Variants in CFAP92 observed in about 807,000 individuals in gnomAD.
CFAP92 encodes uncharacterized protein CFAP92.
A neutral mutation model predicts 106.3 loss-of-function variants in CFAP92; 86 were observed. The observed-to-expected ratio is 0.81, with a 90% confidence interval of 0.68 to 0.97. CFAP92 has a LOEUF of 0.97. CFAP92 is among the 50% of genes least tolerant of loss of function. The probability of loss-of-function intolerance (pLI) is 0.00; values close to 1 mark genes in which losing one functional copy is unlikely to be tolerated. For synonymous variants in CFAP92, 477 were observed against 506.4 expected, an observed-to-expected ratio of 0.94 and a Z score of 0.78; for missense variants, 1,204 against 1,283.8, an observed-to-expected ratio of 0.94 and a Z score of 0.95.
At chr3:128,961,907 C>T (rs1024747804) in intron 9 of CFAP92, among the ~76,000 whole-genome samples, 3 of 152,222 alleles carry the variant, frequency 2.0e-5, no homozygotes, top group Non-Finnish European at 4.4e-5. Context: ...ATCTCCAGCA[C>T]ACAAGAACTT....
At chr3:129,012,183 C>T in the CFAP92 span, among the ~76,000 whole-genome samples, 2 of 152,232 alleles carry the variant, frequency 1.3e-5, no homozygotes, top group African/African-American at 4.8e-5. Flanking sequence ...TAGGAAGCTT[C>T]AGCTCAACTT....
intron 4 of CFAP92, among the ~76,000 whole-genome samples, chr3:128,982,976 A>G (rs899714470): frequency 1.3e-5 from 2 of 152,254 alleles, no homozygotes; most frequent in African/African-American, 4.8e-5. Context: ...GAAAAATCCG[A>G]GAATTATCAA....
intron 8 of CFAP92, 68 bp downstream of exon 8, chr3:128,971,219 A>G (rs954011099): frequency 1.2e-6 from 2 of 1,609,702 alleles, no homozygotes; most frequent in Non-Finnish European, 1.7e-6. Flanking sequence ...CATTAGGAGC[A>G]TCCGCTTATG....
chr3:128,992,585 T>G (rs71331686), intron 2 of CFAP92, among the ~76,000 whole-genome samples: 2 of 151,626 alleles, frequency 1.3e-5, no homozygotes, highest in African/African-American at 4.8e-5. Flanking sequence ...TATTATTTTT[T>G]TTTTTTTTGA....
At chr3:128,965,156 G>GCCTTCTTC (rs1942276563) in intron 9 of CFAP92, among the ~76,000 whole-genome samples, 1 of 152,108 alleles carries the variant, frequency 6.6e-6, no homozygotes, top group Non-Finnish European at 1.5e-5. Context: ...CCTTAAGAAG[G>GCCTTCTTC]TTCTTTGTAA....
At chr3:129,018,803 C>T in the CFAP92 span, among the ~76,000 whole-genome samples, 4 of 152,176 alleles carry the variant, frequency 2.6e-5, no homozygotes, top group African/African-American at 7.2e-5. Context: ...GTGAGTCTTT[C>T]GGGTCTGTTT....
At chr3:128,914,359 G>A (rs1425837601) in intron 15 of CFAP92, among the ~76,000 whole-genome samples, 1 of 152,156 alleles carries the variant, frequency 6.6e-6, no homozygotes, top group Non-Finnish European at 1.5e-5. Context: ...GGGGAGGGAG[G>A]GAGCCAAGTC....
intron 8 of CFAP92, chr3:128,968,105 C>A (rs955266020): frequency 6.6e-6 from 1 of 152,204 alleles, no homozygotes; most frequent in African/African-American, 2.4e-5. Context: ...TCATCCTTAA[C>A]CTTGTGTGGT....
rs775822111 is a variant in CFAP92 at position 128,993,059 on chromosome 3, G to C, written c.246C>G (p.Ala82=). 1.2e-6 allele frequency: 2 copies of C among 1,614,076 alleles called. No individual in the cohort carries two copies. Among genetic ancestry groups the C allele is most frequent in the African/African-American group, 1.3e-5 (1 of 75,072 alleles). The part of the protein sequence containing the change: ...VVPCKFTISL[A]FPVNMGQKGK... ...AGCACCTACCCATATTCACAGGGAA[G>C]GCCAGTGAGATGGTGAATTTGCAGG... Residue 82 remains alanine (A), a synonymous_variant, in exon 2 of 16, where the codon GCC becomes GCG. Transcript: ENST00000645291.
chr3:128,993,437 C>T (rs1576658602), intron 1 of CFAP92, 101 bp from the exon 2 acceptor site: 3 of 1,233,646 alleles, frequency 2.4e-6, no homozygotes, highest in East Asian at 5.1e-5. Flanking sequence ...CTCTTCCCTG[C>T]TTCCCCCGCC....
chr3:128,916,022 C>G (rs967623424), intron 13 of CFAP92, 85 bp downstream of exon 13: 36 of 977,286 alleles, frequency 3.7e-5, no homozygotes, highest in Non-Finnish European at 4.4e-5. Context: ...TAGTTGAGAT[C>G]CCCCACTGAC....
intron 10 of CFAP92, among the ~76,000 whole-genome samples, chr3:128,940,325 T>C (rs1220484060): frequency 1.3e-5 from 2 of 152,230 alleles, no homozygotes; most frequent in Non-Finnish European, 2.9e-5. Flanking sequence ...ATACATGTTT[T>C]CATTTTCTTG....
chr3:129,026,544 T>C, the CFAP92 span, among the ~76,000 whole-genome samples: 2 of 152,322 alleles, frequency 1.3e-5, no homozygotes, highest in South Asian at 4.1e-4. Context: ...GCGAGAAAGT[T>C]GTTCCTCCCA....
chr3:129,010,522 G>C, the CFAP92 span, among the ~76,000 whole-genome samples: 11 of 152,146 alleles, frequency 7.2e-5, no homozygotes, highest in African/African-American at 2.4e-4. This position sits in a 1 kb window ranked among gnomAD's most constrained non-coding sequence, Gnocchi z 4.3. Context: ...GGGTGGGAGA[G>C]GGAGGGAGGA....
the CFAP92 span, among the ~76,000 whole-genome samples, chr3:129,025,572 G>A: frequency 6.6e-6 from 1 of 152,192 alleles, no homozygotes; most frequent in African/African-American, 2.4e-5. Flanking sequence ...CAGAGTAAGG[G>A]TGGTAGCTGG....
At chr3:128,920,419 AAAT>A (rs1476691284) in intron 12 of CFAP92, among the ~76,000 whole-genome samples, 1 of 152,214 alleles carries the variant, frequency 6.6e-6, no homozygotes, top group African/African-American at 2.4e-5. Context: ...AAAAAAATTA[AAAT>A]AATTATGATT....
rs578259269 is a variant in CFAP92 at position 128,910,211 on chromosome 3, T to C, written c.*88A>G. ...TGCCATCTGTCCTGCTGCACTTTAA[T>C]GAAGTTGATTGTTGAGGAGGGTGTG... On this transcript the variant is annotated 3_prime_UTR_variant, in exon 16 of 16. Transcript: ENST00000645291. 1.9e-6 allele frequency: 3 copies of C among 1,610,948 alleles called. No homozygotes were observed. In the South Asian group the frequency reaches 3.3e-5, roughly 18 times the overall value.
At chr3:128,935,072 G>A in intron 11 of CFAP92, 53 bp downstream of exon 11, 3 of 1,415,004 alleles carry the variant, frequency 2.1e-6, no homozygotes, top group Non-Finnish European at 2.8e-6. Flanking sequence ...AGAGTGTTAA[G>A]AAGTGCCCCT....
chr3:128,912,282 G>A (rs935052904), intron 15 of CFAP92, among the ~76,000 whole-genome samples: 2 of 152,152 alleles, frequency 1.3e-5, no homozygotes, highest in Non-Finnish European at 2.9e-5. Flanking sequence ...GAGATCTGGG[G>A]GTTAGAGATG....
Sources: allele counts gnomAD v4.1 joint callset (sites outside exome capture counted in the v4.1 genomes callset), GRCh38; gene constraint gnomAD v4.1.1; non-coding constraint Gnocchi (gnomAD v3.1); transcripts MANE v1.5; gene names NCBI Gene and HGNC (gene_info 2026-07-23, HGNC 2026-07-21).